GPR139: variants seen among roughly 807,000 people sequenced by gnomAD.
GPR139 encodes the protein G protein-coupled receptor 139.
In GPR139, 12 loss-of-function variants were observed where a neutral mutation model predicts 25.8. The observed-to-expected ratio is 0.47, with a 90% CI of 0.30 to 0.75. The LOEUF is 0.75. Among genes scored for constraint, GPR139 ranks in the 30% least tolerant of loss-of-function variants. The pLI is 0.07. For synonymous variants in GPR139, 184 were observed against 179.9 expected, an observed-to-expected ratio of 1.02 and a Z score of -0.18; for missense variants, 380 against 450.2, an observed-to-expected ratio of 0.84 and a Z score of 1.41.
chr16:20,028,561 G>A lies in GPR139; in HGVS notation c.*3174C>T, dbSNP rs1356914360. On this transcript the variant is annotated 3_prime_UTR_variant, in exon 2 of 2. Transcript: ENST00000570682. ...AACATTAGAGTCTTTTATTCACTTCGGGTAGGCTCCCCATGTTGAACCAGG... is the reference window on the plus strand; with the variant it reads ...AACATTAGAGTCTTTTATTCACTTCAGGTAGGCTCCCCATGTTGAACCAGG... Among the ~76,000 whole-genome samples, 2 of 151,994 alleles carry A rather than the reference G, an allele frequency of 1.3e-5. No individual in the cohort carries two copies. The highest frequency in any genetic ancestry group is 3.4e-3 in the Middle Eastern group (1 of 294).
chr16:20,065,066 C>T (rs1413752971), intron 1 of GPR139, among the ~76,000 whole-genome samples: 1 of 151,594 alleles, frequency 6.6e-6, no homozygotes, highest in Non-Finnish European at 1.5e-5. Flanking sequence ...TTTTTTTTCT[C>T]CACTTGCTGT....
At position 20,032,273 on chromosome 16, in the gene GPR139, A is replaced by G. The variant is rs905407464; in HGVS notation, c.524T>C (p.Ile175Thr). The G allele has an allele frequency of 6.2e-7, 1 of 1,614,190 alleles. No homozygotes were observed. ...GAGGACGTGATGCACAGAGGTGCTG[A>G]TGTAGTCTTCAGTCCAGATGTTGGG... Reference protein sequence around the residue: ...WWPNIWTEDYISTSVHHVLIW... With the variant: ...WWPNIWTEDYTSTSVHHVLIW... The change falls in exon 2 of 2, where the codon ATC becomes ACC. Residue 175 changes from isoleucine (I) to threonine (T), a missense_variant. By Grantham distance (89) the Ile-to-Thr change is moderately conservative (BLOSUM62 -1). Transcript: ENST00000570682.
At chr16:20,050,276 T>C (rs1371473966) in intron 1 of GPR139, among the ~76,000 whole-genome samples, 1 of 151,928 alleles carries the variant, frequency 6.6e-6, no homozygotes, top group Admixed American at 6.6e-5. Context: ...AGCATGCCAA[T>C]AGGAGGGAAC....
chr16:20,055,329 C>T (rs1001693546), intron 1 of GPR139, among the ~76,000 whole-genome samples: 8 of 152,128 alleles, frequency 5.3e-5, no homozygotes, highest in Non-Finnish European at 5.9e-5. Context: ...TATTAATGCC[C>T]ATAACCAAGG....
At chr16:20,069,895 G>C (rs2057453887) in intron 1 of GPR139, among the ~76,000 whole-genome samples, 1 of 151,974 alleles carries the variant, frequency 6.6e-6, no homozygotes, top group South Asian at 2.1e-4. Flanking sequence ...CTTGCTTTTT[G>C]GCTCTGCTGA....
At chr16:20,048,931 G>A (rs950915444) in intron 1 of GPR139, among the ~76,000 whole-genome samples, 3 of 152,132 alleles carry the variant, frequency 2.0e-5, no homozygotes, top group Non-Finnish European at 2.9e-5. Context: ...AGCATTGCAT[G>A]GGCTATTTCT....
chr16:20,055,546 C>G (rs2141210596), intron 1 of GPR139, among the ~76,000 whole-genome samples: 2 of 152,294 alleles, frequency 1.3e-5, no homozygotes, highest in South Asian at 2.1e-4. Context: ...TAGATGCCAC[C>G]CTCATTAACA....
Position 20,028,865 on chromosome 16 carries a change from G to A in GPR139, c.*2870C>T, listed in dbSNP as rs1049929589. Among the ~76,000 whole-genome samples, 1 of 152,118 alleles carries A rather than the reference G, an allele frequency of 6.6e-6. No homozygotes were observed. The highest frequency in any genetic ancestry group is 1.5e-5 in the Non-Finnish European group (1 of 68,034). ...CACAAAAACCCACGATAAGGCAATT[G>A]CTTTAGTGCCACCAGCAGCAGCCAT... On this transcript the variant is annotated 3_prime_UTR_variant, in exon 2 of 2. Coordinates refer to ENST00000570682, the MANE Select transcript of GPR139 (RefSeq NM_001002911.4).
At chr16:20,068,874 T>A (rs2057447528) in intron 1 of GPR139, among the ~76,000 whole-genome samples, 1 of 149,366 alleles carries the variant, frequency 6.7e-6, no homozygotes, top group East Asian at 2.0e-4. Context: ...ATGGATCACA[T>A]GCCTTAAAAT....
intron 1 of GPR139, among the ~76,000 whole-genome samples, chr16:20,049,001 C>T (rs1007279886): frequency 6.6e-6 from 1 of 152,208 alleles, no homozygotes; most frequent in East Asian, 1.9e-4. Flanking sequence ...AGTTTTAAAG[C>T]CTTCTCTGAT....
chr16:20,037,250 C>T (rs1596464244), intron 1 of GPR139, among the ~76,000 whole-genome samples: 1 of 151,762 alleles, frequency 6.6e-6, no homozygotes, highest in South Asian at 2.1e-4. Flanking sequence ...TCAGGAGTTC[C>T]AGACCAGCCT....
intron 1 of GPR139, among the ~76,000 whole-genome samples, chr16:20,046,876 C>A (rs1657550653): frequency 6.6e-6 from 1 of 152,060 alleles, no homozygotes; most frequent in Non-Finnish European, 1.5e-5. Context: ...TGAGACCAGT[C>A]TGGGCAACAT....
chr16:20,037,341 A>G (rs1282007589), intron 1 of GPR139, among the ~76,000 whole-genome samples: 1 of 151,556 alleles, frequency 6.6e-6, no homozygotes, highest in African/African-American at 2.4e-5. Flanking sequence ...AATCGCAGCT[A>G]CTCGGGAGGC....
chr16:20,055,458 C>T (rs899334927), intron 1 of GPR139, among the ~76,000 whole-genome samples: 3 of 152,194 alleles, frequency 2.0e-5, no homozygotes, highest in Non-Finnish European at 4.4e-5. Flanking sequence ...CAAGATCTCC[C>T]ACACAACTGT....
At chr16:20,071,389 G>C (rs1189892843) in intron 1 of GPR139, among the ~76,000 whole-genome samples, 2 of 152,192 alleles carry the variant, frequency 1.3e-5, no homozygotes, top group African/African-American at 4.8e-5. Flanking sequence ...TTCTTCTTTA[G>C]GTTGCTTGGT....
rs1227414649 is a variant in GPR139 at position 20,041,131 on chromosome 16, G to A, written c.128-8462C>T. Among the ~76,000 whole-genome samples, 3 of 382 alleles carry A rather than the reference G, an allele frequency of 7.9e-3. No individual in the cohort carries two copies. In the African/African-American group the frequency reaches 0.15, roughly 19 times the overall value. The allele number at this position is 382 out of a possible 152,430, so 0.3% of individuals were successfully genotyped here. ...ACCCAGAAAGGAAAGGAAAGGAAAG[G>A]AGAGGAGAGGAGAGGAGACGAGAGG... On this transcript the variant is annotated intron_variant, in intron 1 of 1. Transcript: ENST00000570682.
In GPR139 at chr16:20,032,687, A is replaced by G. The variant is rs2057295446; in HGVS notation, c.128-18T>C. On this transcript the variant is annotated intron_variant, in intron 1 of 1. Coordinates refer to ENST00000570682, the MANE Select transcript of GPR139 (RefSeq NM_001002911.4). The stretch of plus-strand genomic sequence containing the variant: ...GATATTTGCTGTGGAGAGAAGAAAA[A>G]CTGGTTTAGCTCTGAAGCAAAGATG... 4 of 1,581,838 alleles carry G rather than the reference A, an allele frequency of 2.5e-6. No individual in the cohort carries two copies. Among genetic ancestry groups the G allele is most frequent in the Non-Finnish European group, 2.6e-6 (3 of 1,158,040 alleles).
intron 1 of GPR139, chr16:20,070,872 T>A: frequency 1.2e-6 from 1 of 836,024 alleles, no homozygotes; most frequent in Non-Finnish European, 1.4e-6. Flanking sequence ...GGAAGGGAGG[T>A]GATGGGTGGG....
At chr16:20,036,467 G>T (rs1014106308) in intron 1 of GPR139, among the ~76,000 whole-genome samples, 2 of 152,176 alleles carry the variant, frequency 1.3e-5, no homozygotes, top group Non-Finnish European at 2.9e-5. Context: ...AAAGGAAAGG[G>T]GTTTAATTGA....
Sources: allele counts gnomAD v4.1 joint callset (sites outside exome capture counted in the v4.1 genomes callset), GRCh38; gene constraint gnomAD v4.1.1; transcripts MANE v1.5; gene names NCBI Gene and HGNC (gene_info 2026-07-23, HGNC 2026-07-21).